The following ACAD11 variants were observed in gnomAD, a reference collection of about 807,000 sequenced individuals.
ACAD11 encodes the protein acyl-CoA dehydrogenase family member 11, also known as acyl-Coenzyme A dehydrogenase family, member 11.
Under a neutral mutation model 102.2 loss-of-function variants are expected in ACAD11, and 83 were observed. The ratio of observed to expected loss-of-function variants is 0.81; its 90% confidence interval spans 0.68 to 0.97. The LOEUF (loss-of-function observed/expected upper bound fraction) is 0.97. Among genes scored for constraint, ACAD11 ranks in the 50% least tolerant of loss-of-function variants. The probability of loss-of-function intolerance (pLI) is 0.00; values close to 1 mark genes in which losing one functional copy is unlikely to be tolerated. For missense variants in ACAD11, 901 were observed against 951.7 expected (o/e 0.95, Z 0.70); for synonymous variants, 324 against 319.8 (o/e 1.01, Z -0.14).
intron 11 of ACAD11, among the ~76,000 whole-genome samples, chr3:132,606,678 C>T (rs762683005): frequency 1.3e-5 from 2 of 152,198 alleles, no homozygotes; most frequent in African/African-American, 4.8e-5. Flanking sequence ...AGAGGACCTG[C>T]GGGAAGGGGT....
At position 132,578,892 on chromosome 3, in the gene ACAD11, G is replaced by C. The variant is rs1937559615; in HGVS notation, c.1689-11C>G. On this transcript the variant is annotated splice_polypyrimidine_tract_variant and intron_variant, in intron 14 of 19. Transcript: ENST00000264990. ...CTGTGCTGTTTGTGTCTAGTCAAAA[G>C]AAAAATTGTATTAGAAAAAGTTTGC... The C allele has an allele frequency of 6.2e-7, 1 of 1,610,936 alleles. No homozygotes were observed. The highest frequency in any genetic ancestry group is 8.5e-7 in the Non-Finnish European group (1 of 1,178,168).
intron 17 of ACAD11, among the ~76,000 whole-genome samples, chr3:132,561,527 C>T (rs1937056765): frequency 1.3e-5 from 2 of 152,048 alleles, no homozygotes; most frequent in Non-Finnish European, 2.9e-5. Context: ...ACTGCCTTAC[C>T]GCCAAACCAC....
rs1442811867 is a variant in ACAD11 at position 132,603,417 on chromosome 3, C to CT, written c.1523-91dup. ...ATGAAAACTTTAAAAACAAAGACAT[C>CT]TTTATCTTTTTCAATGTCCTTTCAC... On this transcript the variant is annotated intron_variant, in intron 12 of 19. Coordinates refer to ENST00000264990, the MANE Select transcript of ACAD11 (RefSeq NM_032169.5). 8.5e-6 allele frequency: 10 copies of CT among 1,170,896 alleles called. No individual in the cohort carries two copies. The Admixed American group carries it at 1.8e-4, about 21-fold the overall frequency. 72.5% of individuals were successfully genotyped at this position (1,170,896 alleles called of 1,614,324 possible). A position where few individuals can be genotyped will look rare whatever the true frequency, so the allele number is the denominator to read the frequency against.
Position 132,642,700 on chromosome 3 carries a change from A to T in ACAD11, c.352T>A (p.Phe118Ile), listed in dbSNP as rs1286569099. Residue 118 changes from phenylalanine to isoleucine, a missense_variant, in exon 3 of 20, where the codon TTT becomes ATT. Coordinates refer to ENST00000264990, the MANE Select transcript of ACAD11 (RefSeq NM_032169.5). ...ACCTGCACATGTTCCATTACGTAAA[A>T]TTCTGTTCCAATGACAGAAGTATCA... ...CSDTSVIGTE[F>I]YVMEHVQGRI... The T allele has an allele frequency of 6.2e-7, 1 of 1,610,368 alleles. No individual in the cohort carries two copies. The highest frequency in any genetic ancestry group is 8.5e-7 in the Non-Finnish European group (1 of 1,178,938).
At position 132,656,205 on chromosome 3, in the gene ACAD11, T is replaced by G. The variant is rs112325817; in HGVS notation, c.149+3398A>C. On this transcript the variant is annotated intron_variant, in intron 1 of 19. Transcript: ENST00000264990. ...ATGCTACTCCATTATGTGAATATAC[T>G]GCAATTTATTCATCCATTCTGTATC... is the stretch of plus-strand genomic sequence containing the variant. Among the ~76,000 whole-genome samples, 106 of 152,398 alleles carry G rather than the reference T, an allele frequency of 7.0e-4. 1 individual carries two copies. The highest frequency in any genetic ancestry group is 2.0e-3 in the African/African-American group (83 of 41,594).
intron 17 of ACAD11, among the ~76,000 whole-genome samples, chr3:132,569,620 A>G (rs1270209068): frequency 6.6e-6 from 1 of 152,220 alleles, no homozygotes; most frequent in Non-Finnish European, 1.5e-5. Flanking sequence ...TATCCAGACT[A>G]AGGAATACTA....
chr3:132,609,219 A>G lies in ACAD11; in HGVS notation c.1415-4014T>C, dbSNP rs112288533. 7.1e-3 allele frequency among the ~76,000 whole-genome samples: 1,084 copies of G among 152,306 alleles called. 5 individuals are homozygous for G. Among genetic ancestry groups the G allele is most frequent in the Non-Finnish European group, 0.012 (836 of 68,018 alleles). On this transcript the variant is annotated intron_variant, in intron 11 of 19. Transcript: ENST00000264990. ...GATGTAAAATTGACACGCTAACATC[A>G]CAATTAAAAGAACTAGAGAAGCAAG...
Position 132,622,131 on chromosome 3 carries a change from A to G in ACAD11, c.1198-2586T>C, listed in dbSNP as rs546899757. 2.6e-5 allele frequency among the ~76,000 whole-genome samples: 4 copies of G among 152,322 alleles called. No homozygotes were observed. The East Asian group carries it at 7.7e-4, about 29-fold the overall frequency. On this transcript the variant is annotated intron_variant, in intron 9 of 19. Transcript: ENST00000264990. The stretch of plus-strand genomic sequence containing the variant: ...ATGTTTCTACACTTAGGCTAGTGGT[A>G]TTACTTACAAACATTGTCAAAACTC...
chr3:132,566,786 T>G (rs552174481), intron 17 of ACAD11, among the ~76,000 whole-genome samples: 2 of 151,704 alleles, frequency 1.3e-5, no homozygotes, highest in Non-Finnish European at 2.9e-5. Flanking sequence ...GTTCTCTAAA[T>G]GGAAAGAAAA....
chr3:132,631,468 T>A lies in ACAD11; in HGVS notation c.714A>T (p.Ile238=). The change falls in exon 6 of 20, where the codon ATA becomes ATT. Residue 238 remains isoleucine, a synonymous_variant. Transcript: ENST00000264990. ...TTGACAGCTCCCAATCCAGCACTGC[T>A]ATAACTCGACACTGTAATTAAAAAT... ...IVFHPKECRV[I]AVLDWELSTI... 6.7e-7 allele frequency: 1 copy of A among 1,496,978 alleles called. No individual in the cohort carries two copies. The highest frequency in any genetic ancestry group is 8.9e-7 in the Non-Finnish European group (1 of 1,120,528). 92.7% of individuals were successfully genotyped at this position (1,496,978 alleles called of 1,614,324 possible). A position where few individuals can be genotyped will look rare whatever the true frequency, so the allele number is the denominator to read the frequency against.
At chr3:132,586,734 A>G (rs1937852086) in intron 13 of ACAD11, among the ~76,000 whole-genome samples, 1 of 152,156 alleles carries the variant, frequency 6.6e-6, no homozygotes, top group East Asian at 1.9e-4. Flanking sequence ...AAATACAAGC[A>G]TTTTCATAAA....
intron 17 of ACAD11, among the ~76,000 whole-genome samples, chr3:132,571,891 A>C (rs534945976): frequency 6.6e-6 from 1 of 152,312 alleles, no homozygotes; most frequent in East Asian, 1.9e-4. Context: ...ACTCTCAATA[A>C]ACTAGGTATT....
intron 1 of ACAD11, among the ~76,000 whole-genome samples, chr3:132,657,429 TAC>T (rs2107913465): frequency 6.6e-6 from 1 of 152,338 alleles, no homozygotes; most frequent in Non-Finnish European, 1.5e-5. Context: ...CCTTCGCTCT[TAC>T]ACATAAAATT....
At chr3:132,611,401 G>C (rs1414151437) in intron 11 of ACAD11, among the ~76,000 whole-genome samples, 1 of 151,910 alleles carries the variant, frequency 6.6e-6, no homozygotes, top group Non-Finnish European at 1.5e-5. Context: ...AGGAAATAAA[G>C]GGCATTCAAT....
At chr3:132,659,317 T>G in intron 1 of ACAD11, 1 of 399,202 alleles carries the variant, frequency 2.5e-6, no homozygotes, top group Non-Finnish European at 4.4e-6. Context: ...TAGCCTTAAT[T>G]GCCTTGGTGA....
At chr3:132,606,086 A>G (rs1193596037) in intron 11 of ACAD11, among the ~76,000 whole-genome samples, 11 of 152,222 alleles carry the variant, frequency 7.2e-5, no homozygotes, top group Admixed American at 7.2e-4. Context: ...CAAATTTCTT[A>G]AAATACTGTC....
rs1937511317 is a variant in ACAD11 at position 132,575,624 on chromosome 3, T to G, written c.2001+148A>C. The G allele has an allele frequency of 4.2e-6, 4 of 961,036 alleles. No individual in the cohort carries two copies. The South Asian group carries it at 7.1e-5, about 17-fold the overall frequency. The allele number at this position is 961,036 out of a possible 1,614,324, so 59.5% of individuals were successfully genotyped here. A position where few individuals can be genotyped will look rare whatever the true frequency, so the allele number is the denominator to read the frequency against. ...TAAAGATAAATACCTCTCATTAGAC[T>G]ATATTTAAATACAGACATAAATATG... On this transcript the variant is annotated intron_variant, in intron 17 of 19. Transcript: ENST00000264990.
At chr3:132,600,874 C>A (rs146076474) in intron 13 of ACAD11, 67 of 1,613,782 alleles carry the variant, frequency 4.2e-5, no homozygotes, top group Non-Finnish European at 5.3e-5. Flanking sequence ...TCATCTGTTT[C>A]TGTGTCTGGA....
intron 10 of ACAD11, 87 bp from the exon 11 acceptor site, chr3:132,618,859 G>T: frequency 7.8e-7 from 1 of 1,279,830 alleles, no homozygotes; most frequent in Non-Finnish European, 1.0e-6. Context: ...TGGTATTTAT[G>T]ATCTTTGAAA....
Sources: gnomAD v4.1 joint callset for allele counts (sites outside exome capture counted in the v4.1 genomes callset) on GRCh38, gnomAD v4.1.1 for gene constraint, MANE v1.5 for transcripts, NCBI Gene and HGNC (gene_info 2026-07-23, HGNC 2026-07-21) for gene names.